The following EXOC6B variants were observed in gnomAD, a reference collection of about 807,000 sequenced individuals.
EXOC6B encodes SEC15 homolog B.
In EXOC6B, 54 loss-of-function variants were observed where a neutral mutation model predicts 113.5. That is an observed-to-expected ratio of 0.48 (90% CI 0.38 to 0.60). EXOC6B has a LOEUF of 0.60. EXOC6B is among the 20% of genes least tolerant of loss of function. EXOC6B has a pLI of 0.00. For missense variants in EXOC6B, 797 were observed against 977.5 expected, an observed-to-expected ratio of 0.82 and a Z score of 2.46; for synonymous variants, 357 against 339.0, an observed-to-expected ratio of 1.05 and a Z score of -0.58.
intron 18 of EXOC6B, among the ~76,000 whole-genome samples, chr2:72,460,438 A>C (rs1001086743): frequency 3.9e-5 from 6 of 151,944 alleles, no homozygotes; most frequent in Non-Finnish European, 8.8e-5. Context: ...AAATGGGAGA[A>C]AATTTTCGCA....
chr2:72,804,005 T>C (rs767195779), intron 1 of EXOC6B, among the ~76,000 whole-genome samples: 1 of 152,144 alleles, frequency 6.6e-6, no homozygotes, highest in Admixed American at 6.6e-5. Context: ...TTCATAGAGG[T>C]TAGGCTGACA....
At chr2:72,637,892 G>A (rs1184812904) in intron 6 of EXOC6B, among the ~76,000 whole-genome samples, 1 of 151,246 alleles carries the variant, frequency 6.6e-6, no homozygotes, top group Non-Finnish European at 1.5e-5. Context: ...TAGAGCAAAA[G>A]TAGTATATCA....
chr2:72,319,186 G>A (rs571583222), intron 20 of EXOC6B, among the ~76,000 whole-genome samples: 2 of 151,860 alleles, frequency 1.3e-5, no homozygotes, highest in South Asian at 2.1e-4. Context: ...TTAAATGATG[G>A]TCTGTAAAAC....
At chr2:72,487,819 T>C (rs1699520672) in intron 16 of EXOC6B, among the ~76,000 whole-genome samples, 1 of 152,214 alleles carries the variant, frequency 6.6e-6, no homozygotes, top group South Asian at 2.1e-4. Context: ...GAAAGGTACA[T>C]ACTATCAACA....
rs1387061163 is a variant in EXOC6B, at chr2:72,731,315, C to T, written c.328-70G>A. On this transcript the variant is annotated intron_variant, in intron 3 of 21. Coordinates refer to ENST00000272427, the MANE Select transcript of EXOC6B (RefSeq NM_015189.3). The stretch of plus-strand genomic sequence containing the variant: ...TAAAAAGCTTTCAGTCACATTTTTC[C>T]ACACTGTGTTCAATTCATCAGAAAA... The T allele has an allele frequency of 8.5e-6, 10 of 1,178,452 alleles. No homozygotes were observed. In the South Asian group the frequency reaches 9.1e-5, roughly 11 times the overall value. The allele number at this position is 1,178,452 out of a possible 1,614,324, so 73.0% of individuals were successfully genotyped here.
At chr2:72,559,391 G>T in intron 8 of EXOC6B, 62 bp downstream of exon 8, 2 of 1,206,374 alleles carry the variant, frequency 1.7e-6, no homozygotes, top group Non-Finnish European at 2.2e-6. Flanking sequence ...ACCAAAAGTT[G>T]AGAGAGCAAA....
At chr2:72,785,233 T>C (rs1684304056) in intron 1 of EXOC6B, among the ~76,000 whole-genome samples, 1 of 152,204 alleles carries the variant, frequency 6.6e-6, no homozygotes, top group South Asian at 2.1e-4. Context: ...TCAGCTGCTT[T>C]CATGGGCTAG....
intron 18 of EXOC6B, among the ~76,000 whole-genome samples, chr2:72,435,515 T>C (rs1486005012): frequency 6.6e-6 from 1 of 152,182 alleles, no homozygotes; most frequent in East Asian, 1.9e-4. Context: ...TGTTAAAGTC[T>C]CCCACTATTA....
chr2:72,557,971 C>T, intron 8 of EXOC6B, among the ~76,000 whole-genome samples: 1 of 151,390 alleles, frequency 6.6e-6, no homozygotes, highest in Non-Finnish European at 1.5e-5. Context: ...ATTTTTGTAA[C>T]TTTAAAATTT....
chr2:72,485,737 G>A (rs1482438098), intron 16 of EXOC6B, among the ~76,000 whole-genome samples: 1 of 152,234 alleles, frequency 6.6e-6, no homozygotes, highest in Non-Finnish European at 1.5e-5. Context: ...TAAATGGAAT[G>A]TGGAAAATGA....
intron 6 of EXOC6B, among the ~76,000 whole-genome samples, chr2:72,717,582 T>C (rs963501193): frequency 2.0e-5 from 3 of 152,212 alleles, no homozygotes; most frequent in East Asian, 3.8e-4. Flanking sequence ...CAAATGTATA[T>C]ACTGCTAACA....
intron 6 of EXOC6B, among the ~76,000 whole-genome samples, chr2:72,698,945 C>G (rs1320710517): frequency 6.6e-6 from 1 of 152,198 alleles, no homozygotes; most frequent in East Asian, 1.9e-4. Context: ...ACTACTGATT[C>G]TGACATTGAT....
chr2:72,234,547 A>G (rs1681835632), intron 20 of EXOC6B, among the ~76,000 whole-genome samples: 1 of 152,156 alleles, frequency 6.6e-6, no homozygotes, highest in Non-Finnish European at 1.5e-5. Flanking sequence ...TGCAACAAAA[A>G]CAAAAATTAA....
At chr2:72,654,105 G>C (rs530311570) in intron 6 of EXOC6B, among the ~76,000 whole-genome samples, 1 of 152,142 alleles carries the variant, frequency 6.6e-6, no homozygotes, top group East Asian at 1.9e-4. Flanking sequence ...GAGTAGCTGG[G>C]ACTATAGGCG....
intron 6 of EXOC6B, among the ~76,000 whole-genome samples, chr2:72,661,208 A>G (rs1195015153): frequency 3.9e-5 from 6 of 152,162 alleles, no homozygotes; most frequent in African/African-American, 1.4e-4. Context: ...AGTCCACACC[A>G]AAGTGAAGTA....
At chr2:72,581,631 C>G (rs1705230891) in intron 6 of EXOC6B, among the ~76,000 whole-genome samples, 1 of 152,160 alleles carries the variant, frequency 6.6e-6, no homozygotes, top group South Asian at 2.1e-4. Flanking sequence ...TCTCCAAGTT[C>G]CTCAAGCACT....
At chr2:72,221,890 C>T (rs1680887723) in intron 20 of EXOC6B, among the ~76,000 whole-genome samples, 1 of 152,126 alleles carries the variant, frequency 6.6e-6, no homozygotes, top group Admixed American at 6.5e-5. Flanking sequence ...TACTCTGTGA[C>T]TAAATTCTTT....
chr2:72,360,648 C>T (rs1690255373), intron 19 of EXOC6B, among the ~76,000 whole-genome samples: 1 of 152,064 alleles, frequency 6.6e-6, no homozygotes, highest in African/African-American at 2.4e-5. Flanking sequence ...TCCTAGAATG[C>T]CCATCTCAGG....
intron 6 of EXOC6B, among the ~76,000 whole-genome samples, chr2:72,642,479 TC>T (rs1269188635): frequency 6.8e-6 from 1 of 147,470 alleles, no homozygotes; most frequent in Non-Finnish European, 1.5e-5. Context: ...AACTATCTGA[TC>T]TTTGACAGAC....
Sources: gnomAD v4.1 joint callset for allele counts (sites outside exome capture counted in the v4.1 genomes callset) on GRCh38, gnomAD v4.1.1 for gene constraint, MANE v1.5 for transcripts, NCBI Gene and HGNC (gene_info 2026-07-23, HGNC 2026-07-21) for gene names.